GLDC: variants seen among roughly 807,000 people sequenced by gnomAD.
The protein encoded by GLDC is glycine dehydrogenase (decarboxylating), mitochondrial.
Under a neutral mutation model 121.3 loss-of-function variants are expected in GLDC, and 104 were observed. The observed-to-expected ratio is 0.86, with a 90% CI of 0.73 to 1.01. GLDC has a LOEUF of 1.01. Ranked by LOEUF, GLDC falls within the 50% of genes least tolerant of loss-of-function variation. The pLI is 0.00. For synonymous variants in GLDC, 546 were observed against 480.6 expected, an observed-to-expected ratio of 1.14 and a Z score of -1.78; for missense variants, 1,429 against 1,306.6, an observed-to-expected ratio of 1.09 and a Z score of -1.44.
At chr9:6,612,043 T>G (rs1818867187) in intron 3 of GLDC, among the ~76,000 whole-genome samples, 1 of 152,032 alleles carries the variant, frequency 6.6e-6, no homozygotes, top group South Asian at 2.1e-4. Context: ...TGTTCAGATT[T>G]CCCTTTCTAT....
intron 3 of GLDC, among the ~76,000 whole-genome samples, chr9:6,617,909 C>G (rs955976749): frequency 6.6e-6 from 1 of 152,192 alleles, no homozygotes; most frequent in African/African-American, 2.4e-5. Flanking sequence ...CTTAGTGAAG[C>G]CTGCATTCCC....
chr9:6,538,679 C>G (rs1438063717), intron 22 of GLDC, among the ~76,000 whole-genome samples: 1 of 152,212 alleles, frequency 6.6e-6, no homozygotes, highest in Non-Finnish European at 1.5e-5. Context: ...TTCAGAAACA[C>G]TGGGTGGTGA....
intron 2 of GLDC, among the ~76,000 whole-genome samples, chr9:6,627,295 C>CA (rs35067265): frequency 0.26 from 20,392 of 77,410 alleles, 2,544 homozygotes; most frequent in Non-Finnish European, 0.32. Flanking sequence ...GACTCCATCT[C>CA]AAAAAAAAAA....
chr9:6,622,321 T>G (rs189761468), intron 2 of GLDC, among the ~76,000 whole-genome samples: 1 of 150,142 alleles, frequency 6.7e-6, no homozygotes. Flanking sequence ...GCTGCCATCT[T>G]GGCTCACTGC....
chr9:6,550,423 T>C (rs1409357530), intron 21 of GLDC, among the ~76,000 whole-genome samples: 1 of 152,096 alleles, frequency 6.6e-6, no homozygotes, highest in East Asian at 1.9e-4. Flanking sequence ...GGTCAGGAGT[T>C]CGAGACCAGC....
At chr9:6,625,873 A>C (rs1029072079) in intron 2 of GLDC, among the ~76,000 whole-genome samples, 1 of 151,030 alleles carries the variant, frequency 6.6e-6, no homozygotes, top group Non-Finnish European at 1.5e-5. Flanking sequence ...GGGGAAGAGT[A>C]GGACCCAAGT....
chr9:6,606,252 T>G (rs1818729412), intron 5 of GLDC: 2 of 298,532 alleles, frequency 6.7e-6, no homozygotes, highest in South Asian at 6.3e-5. Flanking sequence ...GAGCTTGCAG[T>G]GAGCCTAGGT....
At chr9:6,554,619 C>A in intron 19 of GLDC, 50 bp downstream of exon 19, 1 of 1,257,734 alleles carries the variant, frequency 8.0e-7, no homozygotes, top group South Asian at 1.2e-5. Context: ...TAGGGCCACT[C>A]CTTCATTCTG....
intron 2 of GLDC, among the ~76,000 whole-genome samples, chr9:6,636,322 T>G (rs1320718914): frequency 6.6e-6 from 1 of 151,458 alleles, no homozygotes; most frequent in Non-Finnish European, 1.5e-5. Context: ...AAAAAACACT[T>G]TGGGTGATAA....
chr9:6,550,267 G>A (rs1563833103), intron 21 of GLDC, among the ~76,000 whole-genome samples: 3 of 152,128 alleles, frequency 2.0e-5, no homozygotes, highest in Admixed American at 6.6e-5. Flanking sequence ...TATTGACCTG[G>A]GCTGCTGTGT....
At chr9:6,615,381 C>T (rs910198171) in intron 3 of GLDC, among the ~76,000 whole-genome samples, 6 of 150,970 alleles carry the variant, frequency 4.0e-5, no homozygotes, top group Non-Finnish European at 7.4e-5. Flanking sequence ...AGTTCAAGAT[C>T]AGCCTGGGCA....
chr9:6,624,343 A>G (rs151232050), intron 2 of GLDC, among the ~76,000 whole-genome samples: 3 of 152,224 alleles, frequency 2.0e-5, no homozygotes, highest in Non-Finnish European at 4.4e-5. Flanking sequence ...GCCGTAATCC[A>G]ATGATTGGTG....
In GLDC at chr9:6,588,521, G is replaced by A. The variant is rs1042176572; in HGVS notation, c.1666-79C>T. 2.0e-5 allele frequency: 29 copies of A among 1,439,036 alleles called. No homozygotes were observed. The Middle Eastern group carries it at 2.4e-3, about 121-fold the overall frequency. The allele number at this position is 1,439,036 out of a possible 1,614,324, so 89.1% of individuals were successfully genotyped here. ...AATCAACCCTCCATTCTCCCAGCAT[G>A]GCCACCCCTTTGTTGCTCTTGGAGC... On this transcript the variant is annotated intron_variant, in intron 13 of 24. Coordinates refer to ENST00000321612, the MANE Select transcript of GLDC (RefSeq NM_000170.3).
intron 21 of GLDC, among the ~76,000 whole-genome samples, chr9:6,543,415 G>GC (rs374449631): frequency 6.6e-6 from 1 of 152,104 alleles, no homozygotes; most frequent in Non-Finnish European, 1.5e-5. Flanking sequence ...TGCTGGCAGC[G>GC]CAAGAGGAGA....
At chr9:6,633,852 C>G (rs1252171638) in intron 2 of GLDC, among the ~76,000 whole-genome samples, 1 of 75,756 alleles carries the variant, frequency 1.3e-5, no homozygotes, top group Non-Finnish European at 2.1e-5. Context: ...TTTTTTGAGA[C>G]GGAGTCTCAC....
Position 6,595,088 on chromosome 9 carries a change from G to A in GLDC, c.1187C>T (p.Ala396Val), listed in dbSNP as rs1049414112. 6.8e-6 allele frequency: 11 copies of A among 1,612,638 alleles called. No individual in the cohort carries two copies. Among genetic ancestry groups the A allele is most frequent in the Non-Finnish European group, 9.3e-6 (11 of 1,178,694 alleles). Reference protein sequence around the residue: ...ALLANMAAMFAIYHGSHGLEH... With the variant: ...ALLANMAAMFVIYHGSHGLEH... ...CAGCCCATGGGAACCATGGTAGATT[G>A]CAAACATGGCAGCCATATTCGCCAA... The change falls in exon 9 of 25, where the codon GCA becomes GTA. Residue 396 changes from alanine (A) to valine (V), a missense_variant. Transcript: ENST00000321612.
intron 2 of GLDC, among the ~76,000 whole-genome samples, chr9:6,644,180 C>G (rs1755616): frequency 0.62 from 94,632 of 151,588 alleles, 31,547 homozygotes; most frequent in African/African-American, 0.85. Context: ...CTAAAGAAGC[C>G]TGGGGGAGGG....
intron 20 of GLDC, 21 bp downstream of exon 20, chr9:6,553,347 G>T (rs1817554182): frequency 6.2e-7 from 1 of 1,612,592 alleles, no homozygotes; most frequent in Middle Eastern, 1.7e-4. Context: ...CTGCACACCT[G>T]CACATACTCC....
intron 22 of GLDC, among the ~76,000 whole-genome samples, chr9:6,538,174 G>C (rs1817176850): frequency 6.6e-6 from 1 of 151,494 alleles, no homozygotes. Flanking sequence ...TTCCATGTGT[G>C]AGCAAATTCA....
Sources: allele counts gnomAD v4.1 joint callset (sites outside exome capture counted in the v4.1 genomes callset), GRCh38; gene constraint gnomAD v4.1.1; transcripts MANE v1.5; gene names NCBI Gene and HGNC (gene_info 2026-07-23, HGNC 2026-07-21).